Variants in GRK7 observed in about 807,000 individuals in gnomAD.
GRK7 encodes the protein G protein-coupled receptor kinase 7.
In GRK7, 24 loss-of-function variants were observed where a neutral mutation model predicts 34.1. That is an observed-to-expected ratio of 0.70 (90% CI 0.51 to 0.99). The LOEUF (loss-of-function observed/expected upper bound fraction) is 0.99, where lower values mean the gene tolerates loss of function less well. Ranked by LOEUF, GRK7 falls within the 50% of genes least tolerant of loss-of-function variation. The pLI, the probability that GRK7 is intolerant of heterozygous loss-of-function variation, is 0.00. For synonymous variants in GRK7, 256 were observed against 279.4 expected (o/e 0.92, Z 0.84); for missense variants, 644 against 707.3 (o/e 0.91, Z 1.02).
At chr3:141,772,416 G>A (rs1217513276) in intron 1 of GRK7, among the ~76,000 whole-genome samples, 1 of 152,166 alleles carries the variant, frequency 6.6e-6, no homozygotes, top group Non-Finnish European at 1.5e-5. Context: ...TAATGCTAAT[G>A]TATTAGTCTG....
At position 141,796,090 on chromosome 3, in the gene GRK7, A is replaced by G. The variant is rs1044205320; in HGVS notation, c.1051-11555A>G. ...AAATATAGTCCTGCAGGTCAAGGAG[A>G]AAGGAGCTTGAGCATTTGAATCCTG... On this transcript the variant is annotated intron_variant, in intron 4 of 5. Transcript: ENST00000682958. Among the ~76,000 whole-genome samples, 18 of 152,130 alleles carry G rather than the reference A, an allele frequency of 1.2e-4. 1 individual carries two copies. Among genetic ancestry groups the G allele is most frequent in the Non-Finnish European group, 2.6e-4 (18 of 68,020 alleles).
At chr3:141,767,713 A>G (rs1008306738) in intron 1 of GRK7, among the ~76,000 whole-genome samples, 1 of 152,136 alleles carries the variant, frequency 6.6e-6, no homozygotes, top group African/African-American at 2.4e-5. Context: ...AAAGTCTGCT[A>G]TTTTAAAGGG....
chr3:141,797,871 T>C (rs901167422), intron 4 of GRK7, among the ~76,000 whole-genome samples: 4 of 152,200 alleles, frequency 2.6e-5, no homozygotes, highest in Non-Finnish European at 5.9e-5. Context: ...CTCGTGTCCT[T>C]GACCTTGAAG....
chr3:141,816,713 G>A lies in GRK7; in HGVS notation c.1326-1G>A. ...AGGCTGATCATCTCCTTTCTTCACAGAGAAAAGTCTGATGATCCCAGGAAA... is the reference window on the plus strand; with the variant it reads ...AGGCTGATCATCTCCTTTCTTCACAAAGAAAAGTCTGATGATCCCAGGAAA... On this transcript the variant is annotated splice_acceptor_variant, in intron 5 of 5. Transcript: ENST00000682958. LOFTEE classifies it high-confidence loss of function. 1 of 1,514,406 alleles carries A rather than the reference G, an allele frequency of 6.6e-7. No individual in the cohort carries two copies. Among genetic ancestry groups the A allele is most frequent in the Non-Finnish European group, 8.8e-7 (1 of 1,130,462 alleles). 93.8% of individuals were successfully genotyped at this position (1,514,406 alleles called of 1,614,324 possible).
At chr3:141,752,021 A>G in the GRK7 span, among the ~76,000 whole-genome samples, 14 of 152,360 alleles carry the variant, frequency 9.2e-5, no homozygotes, top group South Asian at 1.9e-3. Context: ...CATGTGCCTT[A>G]CTTTACTAAC....
Position 141,801,167 on chromosome 3 carries a change from C to T in GRK7, c.1051-6478C>T, listed in dbSNP as rs535154156. 2.6e-5 allele frequency among the ~76,000 whole-genome samples: 4 copies of T among 151,848 alleles called. No homozygotes were observed. In the South Asian group the frequency reaches 6.2e-4, roughly 24 times the overall value. ...CTACTAAAAAATACAAAAAATTAGC[C>T]GGGTGTGGTGGCAGGTGCCTGTAGT... On this transcript the variant is annotated intron_variant, in intron 4 of 5. Transcript: ENST00000682958.
the GRK7 span, among the ~76,000 whole-genome samples, chr3:141,757,129 C>CTTTTTTTT: frequency 9.9e-5 from 10 of 101,354 alleles, no homozygotes; most frequent in African/African-American, 1.2e-4. Flanking sequence ...AGATCTTCTT[C>CTTTTTTTT]TTTTTTTTTT....
In GRK7 at chr3:141,808,334, A is replaced by G. The variant is rs536631974; in HGVS notation, c.1325+415A>G. On this transcript the variant is annotated intron_variant, in intron 5 of 5. Coordinates refer to ENST00000682958, the MANE Select transcript of GRK7 (RefSeq NM_139209.3). Reference sequence around the variant, plus strand: ...TGAACCATGTTGAGTAAATAAATGTATTAAAATCACATGCAGCCATAAAAC... The same window carrying G: ...TGAACCATGTTGAGTAAATAAATGTGTTAAAATCACATGCAGCCATAAAAC... 2.0e-5 allele frequency among the ~76,000 whole-genome samples: 3 copies of G among 152,344 alleles called. No homozygotes were observed. In the South Asian group the frequency reaches 6.2e-4, roughly 32 times the overall value.
chr3:141,811,640 A>G (rs1711093432), intron 5 of GRK7, among the ~76,000 whole-genome samples: 1 of 152,198 alleles, frequency 6.6e-6, no homozygotes, highest in African/African-American at 2.4e-5. Context: ...TAATTGCAGA[A>G]TCTTCCAACA....
chr3:141,778,323 C>T lies in GRK7; in HGVS notation c.39C>T (p.Asn13=), dbSNP rs745801577. The T allele has an allele frequency of 2.1e-5, 34 of 1,596,096 alleles. No individual in the cohort carries two copies. The Admixed American group carries it at 2.4e-4, about 11-fold the overall frequency. The change falls in exon 3 of 6, where the codon AAC becomes AAT. Residue 13 remains asparagine, a synonymous_variant. Transcript: ENST00000682958. This position sits in a 1 kb window ranked among gnomAD's most constrained non-coding sequence, Gnocchi z 4.1. ...GGGCCCTGGACAACCTGATCGCCAA[C>T]ACCGCCTACCTGCAGGCCCGGAAGC... is the stretch of plus-strand genomic sequence containing the variant. The part of the protein sequence containing the change: ...DMGALDNLIA[N]TAYLQARKPS...
intron 5 of GRK7, among the ~76,000 whole-genome samples, chr3:141,813,999 G>C (rs963215557): frequency 2.7e-4 from 41 of 152,108 alleles, no homozygotes; most frequent in African/African-American, 9.7e-4. Context: ...TGCCATTATT[G>C]GGTGTTGCCT....
chr3:141,752,339 T>C, the GRK7 span, among the ~76,000 whole-genome samples: 1 of 152,176 alleles, frequency 6.6e-6, no homozygotes. Flanking sequence ...TGGCGATGTC[T>C]GGAGACATTT....
At position 141,765,748 on chromosome 3, in the gene GRK7, GCAAA is replaced by G. The variant is rs2084577943; in HGVS notation, c.-215+11_-215+14del. Among the ~76,000 whole-genome samples, 2 of 152,164 alleles carry G rather than the reference GCAAA, an allele frequency of 1.3e-5. No individual in the cohort carries two copies. Among genetic ancestry groups the G allele is most frequent in the Non-Finnish European group, 2.9e-5 (2 of 68,032 alleles). The stretch of plus-strand genomic sequence containing the variant: ...ATAAGAGTGAGTCCAGGTGAGACCA[GCAAA>G]GAGCTGCCCAATCAAAGCAAATCTG... On this transcript the variant is annotated intron_variant, in intron 1 of 5. Coordinates refer to ENST00000682958, the MANE Select transcript of GRK7 (RefSeq NM_139209.3).
Position 141,787,109 on chromosome 3 carries a change from T to C in GRK7, c.1050+6298T>C, listed in dbSNP as rs192255074. On this transcript the variant is annotated intron_variant, in intron 4 of 5. Coordinates refer to ENST00000682958, the MANE Select transcript of GRK7 (RefSeq NM_139209.3). ...GAGGACCTTGGGCTCCAGATCAGAA[T>C]GTAGCCTGACCAACATCTCCATTTT... 3.9e-5 allele frequency among the ~76,000 whole-genome samples: 6 copies of C among 152,276 alleles called. No individual in the cohort carries two copies. In the East Asian group the frequency reaches 7.7e-4, roughly 20 times the overall value.
At chr3:141,791,931 G>A (rs2681692) in intron 4 of GRK7, among the ~76,000 whole-genome samples, 14,714 of 151,196 alleles carry the variant, frequency 0.097, 804 homozygotes, top group Non-Finnish European at 0.13. Flanking sequence ...TTGAACCCGG[G>A]AGGCGGAGGT....
chr3:141,790,436 GA>G (rs1387815245), intron 4 of GRK7, among the ~76,000 whole-genome samples: 3 of 152,162 alleles, frequency 2.0e-5, no homozygotes, highest in Non-Finnish European at 2.9e-5. Context: ...GAACTTCTAA[GA>G]AAGGAAGACT....
At chr3:141,815,129 T>C (rs574169431) in intron 5 of GRK7, among the ~76,000 whole-genome samples, 1 of 152,220 alleles carries the variant, frequency 6.6e-6, no homozygotes, top group East Asian at 1.9e-4. Flanking sequence ...TTCACCATGT[T>C]GCCCAGGCTG....
chr3:141,792,255 T>C (rs2084727936), intron 4 of GRK7, among the ~76,000 whole-genome samples: 1 of 151,802 alleles, frequency 6.6e-6, no homozygotes, highest in Non-Finnish European at 1.5e-5. Flanking sequence ...ATACAAAAAA[T>C]TAGCCGGGCA....
chr3:141,767,179 C>G (rs1669040151), intron 1 of GRK7, among the ~76,000 whole-genome samples: 1 of 152,182 alleles, frequency 6.6e-6, no homozygotes, highest in Admixed American at 6.5e-5. Flanking sequence ...TGTGCAACTT[C>G]TCCTATCTTA....
Sources: gnomAD v4.1 joint callset for allele counts (sites outside exome capture counted in the v4.1 genomes callset) on GRCh38, gnomAD v4.1.1 for gene constraint, Gnocchi (gnomAD v3.1) non-coding constraint, MANE v1.5 for transcripts, NCBI Gene and HGNC (gene_info 2026-07-23, HGNC 2026-07-21) for gene names.